GLIS1: variants seen among roughly 807,000 people sequenced by gnomAD.
The protein encoded by GLIS1 is zinc finger protein GLIS1.
In GLIS1, 24 loss-of-function variants were observed where a neutral mutation model predicts 63.8. The ratio of observed to expected loss-of-function variants is 0.38; its 90% CI spans 0.27 to 0.53. The LOEUF (loss-of-function observed/expected upper bound fraction) is 0.53. Ranked by LOEUF, GLIS1 falls within the 20% of genes least tolerant of loss-of-function variation. The pLI, the probability that GLIS1 is intolerant of heterozygous loss-of-function variation, is 0.85. For synonymous variants in GLIS1, 450 were observed against 482.5 expected (o/e 0.93, Z 0.88); for missense variants, 1,036 against 1,074.1 (o/e 0.96, Z 0.50).
intron 4 of GLIS1, among the ~76,000 whole-genome samples, chr1:53,536,705 A>G (rs1478035252): frequency 1.3e-5 from 2 of 152,072 alleles, no homozygotes; most frequent in African/African-American, 2.4e-5. Context: ...GCACCAAAAG[A>G]CAAGTTCTCT....
Position 53,526,881 on chromosome 1 carries a change from C to G in GLIS1, c.1483-1994G>C, listed in dbSNP as rs1470390629. 6.6e-6 allele frequency among the ~76,000 whole-genome samples: 1 copy of G among 152,400 alleles called. No individual in the cohort carries two copies. Among genetic ancestry groups the G allele is most frequent in the Admixed American group, 6.5e-5 (1 of 15,310 alleles). ...AAACCCTGTGGCCGTCCCCAGCCAG[C>G]AGCCAAGCTCCGCCTGGAATGGCCA... On this transcript the variant is annotated intron_variant, in intron 5 of 10. Coordinates refer to ENST00000628545, the MANE Select transcript of GLIS1 (RefSeq NM_001367484.1). This position sits in a 1 kb window ranked among gnomAD's most constrained non-coding sequence, Gnocchi z 4.4.
chr1:53,633,665 G>T (rs1470080269), intron 2 of GLIS1, among the ~76,000 whole-genome samples: 1 of 152,072 alleles, frequency 6.6e-6, no homozygotes, highest in Non-Finnish European at 1.5e-5. Flanking sequence ...AACACTGCGT[G>T]TGTCAATCCT....
Position 53,560,204 on chromosome 1 carries a change from G to A in GLIS1, c.1321-30252C>T, listed in dbSNP as rs1311355437. On this transcript the variant is annotated intron_variant, in intron 4 of 10. Coordinates refer to ENST00000628545, the MANE Select transcript of GLIS1 (RefSeq NM_001367484.1). This position sits in a 1 kb window ranked among gnomAD's most constrained non-coding sequence, Gnocchi z 4.4. ...ATCCAATACGAAGCTGGAGTGGCCTGTAGAGCTCACCAGCGAAGACAGACA... is the reference window on the plus strand; with the variant it reads ...ATCCAATACGAAGCTGGAGTGGCCTATAGAGCTCACCAGCGAAGACAGACA... Among the ~76,000 whole-genome samples the A allele has an allele frequency of 6.6e-6, 1 of 152,242 alleles. No individual in the cohort carries two copies. The highest frequency in any genetic ancestry group is 2.4e-5 in the African/African-American group (1 of 41,466).
intron 2 of GLIS1, among the ~76,000 whole-genome samples, chr1:53,712,405 C>T (rs1646655878): frequency 1.3e-5 from 2 of 152,222 alleles, no homozygotes; most frequent in African/African-American, 4.8e-5. Context: ...TCCCTGCTCA[C>T]CATCTAGCAA....
chr1:53,536,973 G>A (rs954313109), intron 4 of GLIS1, among the ~76,000 whole-genome samples: 9 of 151,084 alleles, frequency 6.0e-5, no homozygotes, highest in Admixed American at 2.6e-4. Flanking sequence ...AAAATACCCC[G>A]GGAACCGTGA....
In GLIS1 at chr1:53,589,513, G is replaced by C. The variant is rs754453913; in HGVS notation, c.1320+4595C>G. ...CAGGCTAGGAGGGCAAGGCCCTCCC[G>C]GCAGGTCCAGCCAGGTGGCTTGTGT... is the stretch of plus-strand genomic sequence containing the variant. On this transcript the variant is annotated intron_variant, in intron 4 of 10. Transcript: ENST00000628545. Among the ~76,000 whole-genome samples the C allele has an allele frequency of 9.2e-5, 14 of 152,328 alleles. No individual in the cohort carries two copies. In the East Asian group the frequency reaches 2.3e-3, roughly 25 times the overall value.
At chr1:53,597,200 A>C (rs867123129) in intron 3 of GLIS1, among the ~76,000 whole-genome samples, 3,919 of 143,148 alleles carry the variant, frequency 0.027, 258 homozygotes, top group African/African-American at 0.1. Context: ...AAAAAAAAAA[A>C]AAAAAAAAAA....
At chr1:53,649,839 T>A (rs1443695242) in intron 2 of GLIS1, among the ~76,000 whole-genome samples, 1 of 152,240 alleles carries the variant, frequency 6.6e-6, no homozygotes, top group Non-Finnish European at 1.5e-5. Context: ...ATAAAATATG[T>A]GTTAATCGAC....
At chr1:53,656,266 C>T (rs1386582490) in intron 2 of GLIS1, among the ~76,000 whole-genome samples, 1 of 152,206 alleles carries the variant, frequency 6.6e-6, no homozygotes, top group African/African-American at 2.4e-5. Flanking sequence ...TCCACTCCAC[C>T]CCAGAGGGGA....
chr1:53,601,452 C>T (rs951998725), intron 2 of GLIS1, among the ~76,000 whole-genome samples: 3 of 152,092 alleles, frequency 2.0e-5, no homozygotes. Context: ...ACCATTAAGA[C>T]GTGAAAAAAA....
chr1:53,602,418 A>G (rs1043442871), intron 2 of GLIS1, among the ~76,000 whole-genome samples: 3 of 152,146 alleles, frequency 2.0e-5, no homozygotes, highest in Admixed American at 1.3e-4. Flanking sequence ...GAGCTTAATC[A>G]TCACACGGAG....
At position 53,646,558 on chromosome 1, in the gene GLIS1, C is replaced by T. The variant is rs191533887; in HGVS notation, c.260-46280G>A. 2.4e-4 allele frequency among the ~76,000 whole-genome samples: 36 copies of T among 152,294 alleles called. No homozygotes were observed. Among genetic ancestry groups the T allele is most frequent in the Non-Finnish European group, 1.9e-4 (13 of 68,028 alleles). ...GACATGGTGGCTCACACCTGTAATT[C>T]CAGCGCTTTGGGAGGCTAAGGTGGG... On this transcript the variant is annotated intron_variant, in intron 2 of 10. Coordinates refer to ENST00000628545, the MANE Select transcript of GLIS1 (RefSeq NM_001367484.1). This position sits in a 1 kb window ranked among gnomAD's most constrained non-coding sequence, Gnocchi z 4.2.
chr1:53,514,951 ACT>A (rs1644335821), intron 7 of GLIS1, among the ~76,000 whole-genome samples, 170 bp from the exon 8 acceptor site: 2 of 151,978 alleles, frequency 1.3e-5, no homozygotes, highest in Non-Finnish European at 2.9e-5. Flanking sequence ...TGCTGGCCCC[ACT>A]CCACTCAGTT....
chr1:53,712,891 G>A (rs992313956), intron 2 of GLIS1, among the ~76,000 whole-genome samples: 3 of 152,072 alleles, frequency 2.0e-5, no homozygotes, highest in Non-Finnish European at 2.9e-5. Context: ...AGAAATAGCA[G>A]GTAAAAGGAG....
chr1:53,725,345 G>A (rs1205648275), intron 2 of GLIS1, among the ~76,000 whole-genome samples: 1 of 152,122 alleles, frequency 6.6e-6, no homozygotes, highest in African/African-American at 2.4e-5. Flanking sequence ...CCAATTGTTA[G>A]CCACCTAGAG....
chr1:53,643,327 T>C (rs991406196), intron 2 of GLIS1, among the ~76,000 whole-genome samples: 1 of 152,206 alleles, frequency 6.6e-6, no homozygotes, highest in South Asian at 2.1e-4. Flanking sequence ...AGGCCCATTA[T>C]GACTTTGGTT....
At chr1:53,555,332 C>T (rs971628378) in intron 4 of GLIS1, among the ~76,000 whole-genome samples, 4 of 152,140 alleles carry the variant, frequency 2.6e-5, no homozygotes, top group African/African-American at 9.7e-5. Flanking sequence ...AGATCGAGAC[C>T]ATCCTGGCTA....
In GLIS1 at chr1:53,524,976, G is replaced by A. The variant is rs1041892052; in HGVS notation, c.1483-89C>T. On this transcript the variant is annotated intron_variant, in intron 5 of 10. Coordinates refer to ENST00000628545, the MANE Select transcript of GLIS1 (RefSeq NM_001367484.1). ...GTGACCTGCTGTGGGGAGGTGACCA[G>A]GCGAGAGGCTGGCTGCAGGCCAAGA... 68 of 962,732 alleles carry A rather than the reference G, an allele frequency of 7.1e-5. No homozygotes were observed. In the Middle Eastern group the frequency reaches 1.7e-3, roughly 24 times the overall value. The allele number at this position is 962,732 out of a possible 1,614,324, so 59.6% of individuals were successfully genotyped here. A position where few individuals can be genotyped will look rare whatever the true frequency, so the allele number is the denominator to read the frequency against.
intron 2 of GLIS1, among the ~76,000 whole-genome samples, chr1:53,615,821 C>T (rs1267959458): frequency 6.6e-6 from 1 of 151,872 alleles, no homozygotes; most frequent in Non-Finnish European, 1.5e-5. Flanking sequence ...CATCTCGGCT[C>T]ACTGCAACCT....
Sources: gnomAD v4.1 joint callset for allele counts (sites outside exome capture counted in the v4.1 genomes callset) on GRCh38, gnomAD v4.1.1 for gene constraint, Gnocchi (gnomAD v3.1) non-coding constraint, MANE v1.5 for transcripts, NCBI Gene and HGNC (gene_info 2026-07-23, HGNC 2026-07-21) for gene names.